The following SLC24A2 variants were observed in gnomAD, a reference collection of about 807,000 sequenced individuals.
The protein encoded by SLC24A2 is solute carrier family 24 member 2.
SLC24A2 carries 36 observed loss-of-function variants against 62.0 expected under a neutral mutation model. The observed-to-expected ratio is 0.58, with a 90% CI of 0.44 to 0.77. The LOEUF (loss-of-function observed/expected upper bound fraction) is 0.77. Ranked by LOEUF, SLC24A2 falls within the 30% of genes least tolerant of loss-of-function variation. The pLI is 0.00. For synonymous variants in SLC24A2, 358 were observed against 294.0 expected, an observed-to-expected ratio of 1.22 and a Z score of -2.23; for missense variants, 846 against 817.9, an observed-to-expected ratio of 1.03 and a Z score of -0.42.
intron 2 of SLC24A2, among the ~76,000 whole-genome samples, chr9:19,741,563 C>T (rs1821679539): frequency 6.6e-6 from 1 of 152,190 alleles, no homozygotes; most frequent in Non-Finnish European, 1.5e-5. Flanking sequence ...ACCCTCCAGG[C>T]CTAGGAGTGG....
intron 2 of SLC24A2, among the ~76,000 whole-genome samples, chr9:19,718,921 AG>A (rs1820944424): frequency 6.6e-6 from 1 of 152,200 alleles, no homozygotes; most frequent in African/African-American, 2.4e-5. Flanking sequence ...GGTCTGTGAA[AG>A]TGGGACACAT....
the SLC24A2 span, among the ~76,000 whole-genome samples, chr9:20,303,824 G>GT: frequency 6.6e-6 from 1 of 152,192 alleles, no homozygotes; most frequent in Non-Finnish European, 1.5e-5. Flanking sequence ...ACCTCACTGT[G>GT]TTCCTAGTCT....
chr9:19,765,612 T>G (rs1178895636), intron 2 of SLC24A2, among the ~76,000 whole-genome samples: 1 of 152,222 alleles, frequency 6.6e-6, no homozygotes, highest in Non-Finnish European at 1.5e-5. Flanking sequence ...TTTAAGAATG[T>G]TGAATATTGG....
At chr9:19,636,937 C>A (rs1437946807) in intron 2 of SLC24A2, among the ~76,000 whole-genome samples, 1 of 152,028 alleles carries the variant, frequency 6.6e-6, no homozygotes, top group African/African-American at 2.4e-5. Context: ...TTCAAAATAC[C>A]CTTTGGAAGC....
chr9:20,056,185 A>AT, the SLC24A2 span, among the ~76,000 whole-genome samples: 1 of 152,158 alleles, frequency 6.6e-6, no homozygotes, highest in Non-Finnish European at 1.5e-5. Context: ...GATAGTATCC[A>AT]TTTTTCCCAA....
At chr9:19,877,223 C>A in the SLC24A2 span, among the ~76,000 whole-genome samples, 1 of 150,526 alleles carries the variant, frequency 6.6e-6, no homozygotes, top group East Asian at 2.0e-4. Flanking sequence ...AGAGGAAGAA[C>A]AATTCTTCGG....
chr9:19,841,491 T>C, the SLC24A2 span, among the ~76,000 whole-genome samples: 1 of 152,096 alleles, frequency 6.6e-6, no homozygotes, highest in African/African-American at 2.4e-5. Context: ...CTCAAAGGGA[T>C]TGGTAGATGA....
the SLC24A2 span, among the ~76,000 whole-genome samples, chr9:19,959,154 C>A: frequency 6.6e-6 from 1 of 151,966 alleles, no homozygotes; most frequent in Non-Finnish European, 1.5e-5. Context: ...AGATAATTGG[C>A]AGAACATAGG....
the SLC24A2 span, among the ~76,000 whole-genome samples, chr9:19,987,583 C>T: frequency 5.3e-5 from 8 of 152,162 alleles, no homozygotes; most frequent in African/African-American, 1.4e-4. Flanking sequence ...TCACCACTGA[C>T]GGCAGCATTT....
At chr9:19,720,246 C>A (rs1262814817) in intron 2 of SLC24A2, among the ~76,000 whole-genome samples, 1 of 152,104 alleles carries the variant, frequency 6.6e-6, no homozygotes, top group African/African-American at 2.4e-5. Context: ...TTAATTTCAA[C>A]GTGTACCTCC....
At chr9:20,123,456 T>C in the SLC24A2 span, among the ~76,000 whole-genome samples, 2 of 152,136 alleles carry the variant, frequency 1.3e-5, no homozygotes, top group Non-Finnish European at 2.9e-5. Context: ...ATTCAGAAAG[T>C]TTAAATAACT....
chr9:19,732,306 T>A (rs913123580), intron 2 of SLC24A2, among the ~76,000 whole-genome samples: 5 of 152,168 alleles, frequency 3.3e-5, no homozygotes, highest in Non-Finnish European at 5.9e-5. Context: ...ATTTCCACAG[T>A]CTGATTAGCT....
At chr9:20,152,266 T>A in the SLC24A2 span, among the ~76,000 whole-genome samples, 11 of 152,052 alleles carry the variant, frequency 7.2e-5, no homozygotes, top group Non-Finnish European at 1.3e-4. Flanking sequence ...GCACATGAGC[T>A]TTAAAACCTC....
At chr9:20,197,787 A>G in the SLC24A2 span, among the ~76,000 whole-genome samples, 1 of 152,164 alleles carries the variant, frequency 6.6e-6, no homozygotes, top group African/African-American at 2.4e-5. Context: ...GAGGACATAA[A>G]CAAACCAAAA....
At chr9:19,960,916 G>C in the SLC24A2 span, among the ~76,000 whole-genome samples, 16 of 151,974 alleles carry the variant, frequency 1.1e-4, no homozygotes, top group Non-Finnish European at 2.4e-4. Context: ...CATCTATTCA[G>C]CAAATATATC....
At chr9:19,770,477 T>G (rs1223541566) in intron 2 of SLC24A2, among the ~76,000 whole-genome samples, 5 of 152,180 alleles carry the variant, frequency 3.3e-5, no homozygotes, top group Admixed American at 1.3e-4. Flanking sequence ...GTGCTTGAAA[T>G]CATTTTAATC....
At chr9:19,946,556 A>T in the SLC24A2 span, among the ~76,000 whole-genome samples, 2 of 152,198 alleles carry the variant, frequency 1.3e-5, no homozygotes, top group Non-Finnish European at 2.9e-5. Flanking sequence ...CTTAACCGTA[A>T]ATCAGCTAAG....
chr9:20,186,220 G>A, the SLC24A2 span, among the ~76,000 whole-genome samples: 3 of 152,088 alleles, frequency 2.0e-5, no homozygotes, highest in Non-Finnish European at 2.9e-5. Context: ...TGTCCACCTT[G>A]TTTCTGAGGC....
the SLC24A2 span, among the ~76,000 whole-genome samples, chr9:20,303,924 G>A: frequency 6.6e-6 from 1 of 152,142 alleles, no homozygotes; most frequent in Admixed American, 6.5e-5. Context: ...AGGTTTGGAT[G>A]GGGCAAGACT....
Sources: allele counts gnomAD v4.1 joint callset (sites outside exome capture counted in the v4.1 genomes callset), GRCh38; gene constraint gnomAD v4.1.1; transcripts MANE v1.5; gene names NCBI Gene and HGNC (gene_info 2026-07-23, HGNC 2026-07-21).